GPRIN3: variants seen among roughly 807,000 people sequenced by gnomAD.
GPRIN3 encodes G protein-regulated inducer of neurite outgrowth 3.
In GPRIN3, 12 loss-of-function variants were observed where a neutral mutation model predicts 13.7. The observed-to-expected ratio is 0.87, with a 90% CI of 0.56 to 1.42. The LOEUF is 1.42. Among genes scored for constraint, GPRIN3 ranks in the 40% most tolerant of loss-of-function variants. The probability of loss-of-function intolerance (pLI) is 0.00; values close to 1 mark genes in which losing one functional copy is unlikely to be tolerated. For missense variants in GPRIN3, 1,009 were observed against 958.7 expected (o/e 1.05, Z -0.69); for synonymous variants, 377 against 372.7 (o/e 1.01, Z -0.13).
chr4:89,283,431 T>C (rs1578104480), intron 1 of GPRIN3, among the ~76,000 whole-genome samples: 1 of 152,234 alleles, frequency 6.6e-6, no homozygotes, highest in East Asian at 1.9e-4. Context: ...CCAGTGGAGA[T>C]CTGCTGCAAA....
rs751317687 is a variant in GPRIN3 at position 89,248,624 on chromosome 4, G to T, written c.1487C>A (p.Ala496Glu). 6.2e-7 allele frequency: 1 copy of T among 1,614,072 alleles called. No homozygotes were observed. The highest frequency in any genetic ancestry group is 8.5e-7 in the Non-Finnish European group (1 of 1,179,960). Residue 496 changes from alanine (A) to glutamate (E), a missense_variant, in exon 2 of 2, where the codon GCA (alanine) becomes GAA (glutamate). Ala to Glu is a moderately radical substitution (Grantham distance 107). Coordinates refer to ENST00000609438, the MANE Select transcript of GPRIN3 (RefSeq NM_198281.3). ...GKFETRPSEF[A>E]EKTTNGHKTD... ...TTTGTGGCCGTTTGTCGTTTTCTCTGCAAACTCAGATGGCCTGGTTTCAAA... is the reference window on the plus strand; with the variant it reads ...TTTGTGGCCGTTTGTCGTTTTCTCTTCAAACTCAGATGGCCTGGTTTCAAA...
chr4:89,266,931 A>G (rs1365499244), intron 1 of GPRIN3, among the ~76,000 whole-genome samples: 1 of 152,236 alleles, frequency 6.6e-6, no homozygotes, highest in African/African-American at 2.4e-5. Context: ...TGATATATCA[A>G]TTAATTGTGA....
intron 1 of GPRIN3, among the ~76,000 whole-genome samples, chr4:89,298,811 T>A (rs146716136): frequency 6.6e-6 from 1 of 152,056 alleles, no homozygotes; most frequent in African/African-American, 2.4e-5. Context: ...CTATTTCCAG[T>A]TGGAGGAAAG....
intron 1 of GPRIN3, among the ~76,000 whole-genome samples, chr4:89,261,139 A>G (rs1266081760): frequency 1.3e-5 from 2 of 152,202 alleles, no homozygotes; most frequent in African/African-American, 4.8e-5. Flanking sequence ...GAGGAGCTAG[A>G]TGTTAATCTA....
intron 1 of GPRIN3, among the ~76,000 whole-genome samples, chr4:89,289,350 T>C (rs966407166): frequency 6.6e-6 from 1 of 151,908 alleles, no homozygotes; most frequent in Admixed American, 6.6e-5. Flanking sequence ...CATCACTAAT[T>C]CTGTTAATGG....
intron 1 of GPRIN3, among the ~76,000 whole-genome samples, chr4:89,255,452 A>G (rs1490330689): frequency 6.6e-6 from 1 of 152,224 alleles, no homozygotes; most frequent in Non-Finnish European, 1.5e-5. Flanking sequence ...AAATGGTAAG[A>G]AGACTTTATT....
chr4:89,275,094 T>C (rs1724056746), intron 1 of GPRIN3, among the ~76,000 whole-genome samples: 2 of 151,876 alleles, frequency 1.3e-5, no homozygotes, highest in South Asian at 4.2e-4. Flanking sequence ...AAGCACTGTG[T>C]TCTGGTAGCT....
At chr4:89,275,456 G>A (rs367951685) in intron 1 of GPRIN3, among the ~76,000 whole-genome samples, 117 of 152,264 alleles carry the variant, frequency 7.7e-4, no homozygotes, top group South Asian at 2.7e-3. Flanking sequence ...CTTGACCTTA[G>A]GTTATGTGGG....
At chr4:89,285,637 G>T (rs1488553281) in intron 1 of GPRIN3, among the ~76,000 whole-genome samples, 1 of 152,090 alleles carries the variant, frequency 6.6e-6, no homozygotes, top group African/African-American at 2.4e-5. Context: ...TCAACTTCCT[G>T]TTCTGTCACC....
intron 1 of GPRIN3, among the ~76,000 whole-genome samples, chr4:89,291,018 C>T (rs1326361560): frequency 6.6e-6 from 1 of 152,142 alleles, no homozygotes; most frequent in South Asian, 2.1e-4. Context: ...GAGACAGAAA[C>T]CAACCCAAGA....
In GPRIN3 at chr4:89,282,504, C is replaced by T. The variant is rs572551204; in HGVS notation, c.-124+25111G>A. Among the ~76,000 whole-genome samples, 49 of 151,910 alleles carry T rather than the reference C, an allele frequency of 3.2e-4. 1 individual carries two copies. Among genetic ancestry groups the T allele is most frequent in the Middle Eastern group, 3.4e-3 (1 of 290 alleles). ...AAGGAAGGATCCAAAGTGTGTAGAA[C>T]AAGCTTGTCCTTATGCAGTCCAGGA... On this transcript the variant is annotated intron_variant, in intron 1 of 1. Coordinates refer to ENST00000609438, the MANE Select transcript of GPRIN3 (RefSeq NM_198281.3).
chr4:89,300,859 T>C (rs989015902), intron 1 of GPRIN3, among the ~76,000 whole-genome samples: 2 of 152,188 alleles, frequency 1.3e-5, no homozygotes, highest in African/African-American at 2.4e-5. Context: ...AAAATGAACA[T>C]GCATTTACTA....
chr4:89,297,159 G>A (rs1578115805), intron 1 of GPRIN3, among the ~76,000 whole-genome samples: 3 of 152,274 alleles, frequency 2.0e-5, no homozygotes, highest in Admixed American at 2.0e-4. Flanking sequence ...TTATTAATGT[G>A]TTATTATTTA....
chr4:89,299,439 G>T (rs561508985), intron 1 of GPRIN3, among the ~76,000 whole-genome samples: 1 of 152,274 alleles, frequency 6.6e-6, no homozygotes, highest in Admixed American at 6.5e-5. Context: ...AGGCATGAGA[G>T]ATTTCAGAGC....
rs183235792 is a variant in GPRIN3 at position 89,300,620 on chromosome 4, C to T, written c.-124+6995G>A. 1.1e-4 allele frequency among the ~76,000 whole-genome samples: 16 copies of T among 152,286 alleles called. No homozygotes were observed. In the East Asian group the frequency reaches 3.1e-3, roughly 29 times the overall value. On this transcript the variant is annotated intron_variant, in intron 1 of 1. Transcript: ENST00000609438. ...GAGTACCAGGTCTCTCAGATGCTCA[C>T]AGCAAAGCTTTCTTCTGCTCTGAGA...
rs73846104 is a variant in GPRIN3 at position 89,263,612 on chromosome 4, T to C, written c.-123-13379A>G. Among the ~76,000 whole-genome samples, 1,229 of 152,336 alleles carry C rather than the reference T, an allele frequency of 8.1e-3. 19 individuals carry two copies. The highest frequency in any genetic ancestry group is 0.028 in the African/African-American group (1,151 of 41,570). On this transcript the variant is annotated intron_variant, in intron 1 of 1. Transcript: ENST00000609438. ...TGTATTACTAACCATTCAAATTGCC[T>C]GTGAGCCTGAATTTTCGTGGCTGTA...
intron 1 of GPRIN3, among the ~76,000 whole-genome samples, chr4:89,276,964 G>A (rs912826700): frequency 2.0e-5 from 3 of 152,010 alleles, no homozygotes; most frequent in African/African-American, 4.8e-5. Context: ...TGGTTTAGGC[G>A]GACCTATGTA....
chr4:89,255,392 T>C (rs1578078381), intron 1 of GPRIN3, among the ~76,000 whole-genome samples: 1 of 152,222 alleles, frequency 6.6e-6, no homozygotes, highest in Non-Finnish European at 1.5e-5. Flanking sequence ...GAAACCTTGG[T>C]ATTTAAGCTT....
At chr4:89,261,674 T>C (rs909536350) in intron 1 of GPRIN3, among the ~76,000 whole-genome samples, 1 of 152,220 alleles carries the variant, frequency 6.6e-6, no homozygotes, top group East Asian at 1.9e-4. Flanking sequence ...AATTGATATA[T>C]GCACAAGGTT....
Sources: gnomAD v4.1 joint callset for allele counts (sites outside exome capture counted in the v4.1 genomes callset) on GRCh38, gnomAD v4.1.1 for gene constraint, MANE v1.5 for transcripts, NCBI Gene and HGNC (gene_info 2026-07-23, HGNC 2026-07-21) for gene names.